Variants in FGL1 observed in about 807,000 individuals in gnomAD.
FGL1 encodes the protein fibrinogen like 1, also known as fibrinogen-like protein 1.
In FGL1, 59 loss-of-function variants were observed where a neutral mutation model predicts 43.7. The ratio of observed to expected loss-of-function variants is 1.35; its 90% confidence interval spans 1.10 to 1.68. The LOEUF (loss-of-function observed/expected upper bound fraction) is 1.68, where lower values mean the gene tolerates loss of function less well. Among genes scored for constraint, FGL1 ranks in the 40% most tolerant of loss-of-function variants. FGL1 has a pLI of 0.00. For missense variants in FGL1, 596 were observed against 373.0 expected (o/e 1.60, Z -4.92); for synonymous variants, 192 against 126.5 (o/e 1.52, Z -3.48).
intron 1 of FGL1, chr8:17,891,419 T>G (rs1185221768): frequency 6.6e-6 from 1 of 152,268 alleles, no homozygotes; most frequent in Admixed American, 6.6e-5. Context: ...GATACCATCT[T>G]CACATAGCTG....
chr8:17,874,734 T>C (rs772940463), intron 3 of FGL1: 10 of 377,932 alleles, frequency 2.6e-5, no homozygotes, highest in African/African-American at 6.2e-5. Flanking sequence ...ATCCTTGATA[T>C]AATCATCGAG....
At chr8:17,874,733 A>G (rs2053419375) in intron 3 of FGL1, 2 of 377,730 alleles carry the variant, frequency 5.3e-6, no homozygotes, top group Admixed American at 9.0e-5. Flanking sequence ...AATCCTTGAT[A>G]TAATCATCGA....
chr8:17,865,346 A>G (rs2053255340), intron 7 of FGL1, among the ~76,000 whole-genome samples: 1 of 152,138 alleles, frequency 6.6e-6, no homozygotes, highest in Non-Finnish European at 1.5e-5. Flanking sequence ...GTGCTCTACT[A>G]CTGGCTTTCC....
intron 2 of FGL1, 50 bp downstream of exon 2, chr8:17,885,442 G>T: frequency 6.9e-7 from 1 of 1,451,836 alleles, no homozygotes; most frequent in Non-Finnish European, 9.6e-7. Flanking sequence ...AGAAAATTCA[G>T]ATAAAAGCAG....
chr8:17,874,104 G>C lies in FGL1; in HGVS notation c.417C>G (p.Asp139Glu), dbSNP rs1490701855. 1.2e-6 allele frequency: 2 copies of C among 1,610,896 alleles called. No homozygotes were observed. The highest frequency in any genetic ancestry group is 1.7e-6 in the Non-Finnish European group (2 of 1,179,166). ...CAAAATTTCCAAAGCCATTTTCATA[G>C]TCTTTCCATCCTCTAAAAAAGGTAA... is the stretch of plus-strand genomic sequence containing the variant. ...GSENFNRGWK[D>E]YENGFGNFVQ... Residue 139 changes from aspartate to glutamate, a missense_variant, in exon 5 of 8, where the codon GAC (aspartate) becomes GAG (glutamate). Physicochemically the swap from Asp to Glu is conservative, Grantham distance 45. Transcript: ENST00000427924.
At chr8:17,872,138 A>G (rs1379725371) in intron 5 of FGL1, among the ~76,000 whole-genome samples, 1 of 152,108 alleles carries the variant, frequency 6.6e-6, no homozygotes, top group Non-Finnish European at 1.5e-5. Flanking sequence ...AAGGACATAC[A>G]AAGAAAGTAT....
At chr8:17,875,121 C>G (rs562467554) in intron 3 of FGL1, among the ~76,000 whole-genome samples, 1 of 152,276 alleles carries the variant, frequency 6.6e-6, no homozygotes, top group South Asian at 2.1e-4. Flanking sequence ...TGACTTAGAG[C>G]ATGATAAATC....
At chr8:17,893,510 G>C (rs11778664) in intron 1 of FGL1, among the ~76,000 whole-genome samples, 77,580 of 149,862 alleles carry the variant, frequency 0.52, 22,879 homozygotes, top group Middle Eastern at 0.68. Flanking sequence ...AAATTTTTTT[G>C]ACAGGCCTCT....
intron 3 of FGL1, among the ~76,000 whole-genome samples, chr8:17,879,823 G>A (rs945668184): frequency 5.9e-5 from 9 of 152,130 alleles, no homozygotes; most frequent in Non-Finnish European, 2.9e-5. Context: ...TCCCATGACT[G>A]GTTGTAGAGG....
intron 3 of FGL1, among the ~76,000 whole-genome samples, chr8:17,878,123 T>A (rs75625628): frequency 6.7e-6 from 1 of 149,394 alleles, no homozygotes; most frequent in Non-Finnish European, 1.5e-5. Flanking sequence ...AGCCTGGCAA[T>A]TTTTTTTTTA....
intron 5 of FGL1, among the ~76,000 whole-genome samples, chr8:17,869,868 G>A (rs1229065578): frequency 1.3e-5 from 2 of 152,192 alleles, no homozygotes; most frequent in Non-Finnish European, 2.9e-5. Context: ...CCAGCACTTT[G>A]GGAGGCCGAG....
At chr8:17,875,509 T>TTC (rs1491242267) in intron 3 of FGL1, among the ~76,000 whole-genome samples, 1 of 8,320 alleles carries the variant, frequency 1.2e-4, no homozygotes, top group African/African-American at 4.7e-4. Context: ...CTTTCTTTCT[T>TTC]TCTTTCTTTC....
chr8:17,891,931 A>T, intron 1 of FGL1: 1 of 265,254 alleles, frequency 3.8e-6, no homozygotes, highest in South Asian at 1.4e-4. Flanking sequence ...AGACATTTGG[A>T]TTTATAAAAT....
Position 17,874,470 on chromosome 8 carries a change from A to C in FGL1, c.296T>G (p.Ile99Ser), listed in dbSNP as rs746457086. 1.4e-5 allele frequency: 22 copies of C among 1,614,046 alleles called. No homozygotes were observed. Among genetic ancestry groups the C allele is most frequent in the Non-Finnish European group, 1.9e-5 (22 of 1,179,962 alleles). The change falls in exon 4 of 8, where the codon ATC becomes AGC. Residue 99 changes from isoleucine (I) to serine (S), a missense_variant. Physicochemically the swap from Ile to Ser is moderately radical, Grantham distance 142 (BLOSUM62 -2). Coordinates refer to ENST00000427924, the MANE Select transcript of FGL1 (RefSeq NM_004467.4). ...DGYKLSGFYK[I>S]KPLQSPAEFS... ...TTCTGCTGGGCTCTGGAGAGGTTTG[A>C]TTTTGTAAAATCCACTGAGCTTATA...
intron 2 of FGL1, chr8:17,882,768 T>TGCATA (rs1216581677): frequency 1.7e-5 from 2 of 116,216 alleles, no homozygotes; most frequent in African/African-American, 8.3e-5. Context: ...ATATAATATA[T>TGCATA]TAAACAATAT....
chr8:17,870,939 G>T (rs1373262217), intron 5 of FGL1, among the ~76,000 whole-genome samples: 1 of 114,418 alleles, frequency 8.7e-6, no homozygotes, highest in African/African-American at 3.3e-5. Context: ...CTCCCCTCAA[G>T]CTTAAGGGTG....
chr8:17,890,781 T>C (rs781300802), intron 1 of FGL1, among the ~76,000 whole-genome samples: 2 of 152,092 alleles, frequency 1.3e-5, no homozygotes, highest in Non-Finnish European at 2.9e-5. Flanking sequence ...CTTCACATGA[T>C]GGCAGGAAGG....
At chr8:17,880,054 G>C (rs1461725694) in intron 3 of FGL1, among the ~76,000 whole-genome samples, 1 of 152,112 alleles carries the variant, frequency 6.6e-6, no homozygotes, top group Non-Finnish European at 1.5e-5. Context: ...TCCCTTAAAC[G>C]ATAGTCCGTT....
At chr8:17,889,287 C>CG (rs1563462377) in intron 1 of FGL1, among the ~76,000 whole-genome samples, 2 of 152,210 alleles carry the variant, frequency 1.3e-5, no homozygotes, top group African/African-American at 4.8e-5. Context: ...TGGTGGCTTA[C>CG]GCCTGTAATC....
Sources: gnomAD v4.1 joint callset for allele counts (sites outside exome capture counted in the v4.1 genomes callset) on GRCh38, gnomAD v4.1.1 for gene constraint, MANE v1.5 for transcripts, NCBI Gene and HGNC (gene_info 2026-07-23, HGNC 2026-07-21) for gene names.